Variants in GPC5 observed in about 807,000 individuals in gnomAD.
GPC5 encodes glypican-5.
A neutral mutation model predicts 53.9 loss-of-function variants in GPC5; 47 were observed. The ratio of observed to expected loss-of-function variants is 0.87; its 90% CI spans 0.69 to 1.11. The LOEUF is 1.11. Ranked by LOEUF, GPC5 falls within the 50% of genes most tolerant of loss-of-function variation. GPC5 has a pLI of 0.00. For missense variants in GPC5, 748 were observed against 713.1 expected, an observed-to-expected ratio of 1.05 and a Z score of -0.56; for synonymous variants, 286 against 263.3, an observed-to-expected ratio of 1.09 and a Z score of -0.84.
At chr13:92,842,335 CT>C (rs1878455010) in intron 7 of GPC5, among the ~76,000 whole-genome samples, 1 of 151,974 alleles carries the variant, frequency 6.6e-6, no homozygotes, top group African/African-American at 2.4e-5. Flanking sequence ...TGTTACTTGC[CT>C]TCTCGAGGTC....
Position 92,850,796 on chromosome 13 carries a change from T to C in GPC5, c.1562-15486T>C, listed in dbSNP as rs9561182. Among the ~76,000 whole-genome samples the C allele has an allele frequency of 0.025, 3,861 of 152,294 alleles. 385 individuals are homozygous for C. In the East Asian group the frequency reaches 0.33, roughly 13 times the overall value. ...TAGGAGATATAATTTTGGAAAGGAC[T>C]TGAGAATTCTCAGTACAGTTGAGGG... On this transcript the variant is annotated intron_variant, in intron 7 of 7. Transcript: ENST00000377067.
At chr13:92,529,848 C>T (rs777596630) in intron 7 of GPC5, among the ~76,000 whole-genome samples, 3 of 151,974 alleles carry the variant, frequency 2.0e-5, no homozygotes, top group Non-Finnish European at 4.4e-5. Flanking sequence ...TTTGGGAGGC[C>T]GAGGCGGGGG....
chr13:92,553,300 A>T (rs972166611), intron 7 of GPC5, among the ~76,000 whole-genome samples: 2 of 151,888 alleles, frequency 1.3e-5, no homozygotes, highest in South Asian at 2.1e-4. Flanking sequence ...TGTTCCCAAA[A>T]CTAATTTCTG....
At chr13:92,775,684 T>C (rs1448477543) in intron 7 of GPC5, among the ~76,000 whole-genome samples, 1 of 152,176 alleles carries the variant, frequency 6.6e-6, no homozygotes, top group African/African-American at 2.4e-5. Context: ...TATCTACACA[T>C]TTTAATACCT....
intron 2 of GPC5, among the ~76,000 whole-genome samples, chr13:91,547,589 C>G (rs543962177): frequency 6.6e-6 from 1 of 152,200 alleles, no homozygotes; most frequent in South Asian, 2.1e-4. Context: ...TACCAATTCT[C>G]TACAACATCT....
At chr13:92,134,984 TC>T (rs1333469364) in intron 6 of GPC5, among the ~76,000 whole-genome samples, 1 of 152,134 alleles carries the variant, frequency 6.6e-6, no homozygotes, top group African/African-American at 2.4e-5. Flanking sequence ...GCGTCACACA[TC>T]TAATTATTTC....
chr13:92,213,683 T>C (rs1161752856), intron 7 of GPC5, among the ~76,000 whole-genome samples: 1 of 152,190 alleles, frequency 6.6e-6, no homozygotes, highest in Non-Finnish European at 1.5e-5. Flanking sequence ...GTGTTGGTTC[T>C]CCTAGTAACA....
intron 6 of GPC5, among the ~76,000 whole-genome samples, chr13:92,125,727 C>T (rs969592852): frequency 5.3e-5 from 8 of 152,026 alleles, no homozygotes; most frequent in Non-Finnish European, 1.5e-5. Flanking sequence ...ACTATGTTAT[C>T]TGTACTAGAC....
At chr13:92,074,064 G>A (rs1594753399) in intron 6 of GPC5, among the ~76,000 whole-genome samples, 1 of 151,848 alleles carries the variant, frequency 6.6e-6, no homozygotes, top group African/African-American at 2.4e-5. Flanking sequence ...TCAGTTCAAC[G>A]CGAATTTTGT....
intron 2 of GPC5, among the ~76,000 whole-genome samples, chr13:91,494,410 T>C (rs979687326): frequency 6.6e-6 from 1 of 151,866 alleles, no homozygotes; most frequent in African/African-American, 2.4e-5. Flanking sequence ...CTCTTATTTC[T>C]TTCATCAAAA....
intron 7 of GPC5, among the ~76,000 whole-genome samples, chr13:92,320,852 A>G (rs901693719): frequency 6.6e-6 from 1 of 152,158 alleles, no homozygotes; most frequent in Non-Finnish European, 1.5e-5. Context: ...TGTTTTGAAG[A>G]TTTTTCAAAT....
chr13:91,791,930 C>T (rs1374023865), intron 5 of GPC5, among the ~76,000 whole-genome samples: 1 of 152,170 alleles, frequency 6.6e-6, no homozygotes, highest in Non-Finnish European at 1.5e-5. Flanking sequence ...ATTCATAACG[C>T]TAATATGAAG....
chr13:92,721,687 G>T (rs908554430), intron 7 of GPC5: 5 of 151,946 alleles, frequency 3.3e-5, no homozygotes, highest in Non-Finnish European at 7.4e-5. Flanking sequence ...GAACAAAAGG[G>T]GTGTGTATAA....
intron 7 of GPC5, among the ~76,000 whole-genome samples, chr13:92,436,582 T>C (rs773089702): frequency 1.3e-5 from 2 of 152,196 alleles, no homozygotes; most frequent in Non-Finnish European, 2.9e-5. Context: ...ACAATCTGAA[T>C]TGTAATTCTA....
At chr13:92,540,900 C>T (rs911668562) in intron 7 of GPC5, among the ~76,000 whole-genome samples, 1 of 151,728 alleles carries the variant, frequency 6.6e-6, no homozygotes, top group African/African-American at 2.4e-5. Flanking sequence ...AGCAGTGTTA[C>T]CTCATTGGGT....
At chr13:92,504,192 C>T (rs2138938991) in intron 7 of GPC5, among the ~76,000 whole-genome samples, 1 of 152,022 alleles carries the variant, frequency 6.6e-6, no homozygotes, top group African/African-American at 2.4e-5. Context: ...TACAAATTCA[C>T]CACACAAAAT....
intron 3 of GPC5, among the ~76,000 whole-genome samples, chr13:91,710,886 A>G (rs148357734): frequency 0.014 from 2,147 of 152,368 alleles, 24 homozygotes; most frequent in Non-Finnish European, 0.021. Flanking sequence ...AATTAAGTTC[A>G]GGGAAAGCCT....
At chr13:91,923,662 T>G (rs569732202) in intron 6 of GPC5, among the ~76,000 whole-genome samples, 4 of 152,260 alleles carry the variant, frequency 2.6e-5, no homozygotes, top group African/African-American at 9.6e-5. Flanking sequence ...AAATCATGAG[T>G]TTTATAGTAA....
At chr13:92,683,169 A>G (rs1007786127) in intron 7 of GPC5, among the ~76,000 whole-genome samples, 9 of 152,176 alleles carry the variant, frequency 5.9e-5, no homozygotes, top group African/African-American at 2.2e-4. Flanking sequence ...ATCCAGTCCT[A>G]GGACAAAAGG....
Sources: gnomAD v4.1 joint callset for allele counts (sites outside exome capture counted in the v4.1 genomes callset) on GRCh38, gnomAD v4.1.1 for gene constraint, MANE v1.5 for transcripts, NCBI Gene and HGNC (gene_info 2026-07-23, HGNC 2026-07-21) for gene names.